Variants in TMEM217 observed in about 807,000 individuals in gnomAD.
TMEM217 encodes transmembrane protein 217.
For synonymous variants in TMEM217, 76 were observed against 88.3 expected (o/e 0.86, Z 0.78); for missense variants, 204 against 248.8 (o/e 0.82, Z 1.21).
chr6:37,253,123 C>T (rs1765536025), intron 1 of TMEM217, among the ~76,000 whole-genome samples: 1 of 152,174 alleles, frequency 6.6e-6, no homozygotes, highest in African/African-American at 2.4e-5. Context: ...TCTACCTTTT[C>T]CCTGCTGTAC....
At chr6:37,249,123 T>C (rs950764368) in intron 1 of TMEM217, among the ~76,000 whole-genome samples, 2 of 152,184 alleles carry the variant, frequency 1.3e-5, no homozygotes, top group East Asian at 3.8e-4. Context: ...TCAAAATCTT[T>C]AACTTAATAT....
In TMEM217 at chr6:37,225,804, C is replaced by T. The variant is rs140224708; in HGVS notation, c.-11-6763G>A. ...CTGATTTGTGTGGCCCCATGACCAA[C>T]GGGATGCAAATGCAAGTGATGGGTG... is the stretch of plus-strand genomic sequence containing the variant. On this transcript the variant is annotated intron_variant, in intron 1 of 1. Transcript: ENST00000357219. Among the ~76,000 whole-genome samples the T allele has an allele frequency of 4.3e-3, 650 of 152,300 alleles. 1 individual carries two copies. The highest frequency in any genetic ancestry group is 0.015 in the African/African-American group (628 of 41,554).
intron 1 of TMEM217, among the ~76,000 whole-genome samples, chr6:37,229,335 GTTTTTTTTT>G (rs372385535): frequency 6.7e-5 from 5 of 74,368 alleles, no homozygotes; most frequent in African/African-American, 1.1e-4. Context: ...GCAACTTTCA[GTTTTTTTTT>G]TTTTTTTTTT....
chr6:37,229,948 C>A (rs1764103978), intron 1 of TMEM217, among the ~76,000 whole-genome samples: 1 of 152,148 alleles, frequency 6.6e-6, no homozygotes, highest in Non-Finnish European at 1.5e-5. Context: ...GCTAGCGGGA[C>A]CCTTCTTGGG....
downstream of TMEM217, chr6:37,215,332 A>AAAG (rs1282744218): frequency 1.9e-6 from 3 of 1,593,704 alleles, no homozygotes; most frequent in African/African-American, 2.7e-5. Flanking sequence ...AATTAAGAGA[A>AAAG]AAGAAAACTT....
intron 1 of TMEM217, among the ~76,000 whole-genome samples, chr6:37,221,028 T>C (rs941921413): frequency 3.3e-5 from 5 of 152,182 alleles, no homozygotes; most frequent in Non-Finnish European, 7.3e-5. Context: ...ATTCATTTTG[T>C]TGTACAAACA....
intron 1 of TMEM217, among the ~76,000 whole-genome samples, chr6:37,226,487 C>G (rs544823384): frequency 6.6e-6 from 1 of 150,552 alleles, no homozygotes; most frequent in South Asian, 2.1e-4. Context: ...TGAGTAGAGA[C>G]GGGGTTTCAC....
chr6:37,215,448 G>A (rs6928931), downstream of TMEM217, among the ~76,000 whole-genome samples: 1 of 151,386 alleles, frequency 6.6e-6, no homozygotes, highest in Non-Finnish European at 1.5e-5. Flanking sequence ...GGTGGCACGC[G>A]CCAACTACCT....
intron 1 of TMEM217, among the ~76,000 whole-genome samples, chr6:37,230,501 T>A (rs1764137687): frequency 6.6e-6 from 1 of 152,152 alleles, no homozygotes; most frequent in Admixed American, 6.5e-5. Flanking sequence ...AATTAGGTCA[T>A]TAGTGTCAGA....
At chr6:37,235,096 A>G (rs1764420160) in intron 1 of TMEM217, among the ~76,000 whole-genome samples, 1 of 152,192 alleles carries the variant, frequency 6.6e-6, no homozygotes. Flanking sequence ...GGACAGCTGG[A>G]TAACTCTGTC....
intron 1 of TMEM217, among the ~76,000 whole-genome samples, chr6:37,230,414 G>A (rs890866640): frequency 6.6e-6 from 1 of 152,198 alleles, no homozygotes. Flanking sequence ...TCAATTCTAT[G>A]TTGAAATCCT....
intron 1 of TMEM217, among the ~76,000 whole-genome samples, chr6:37,227,208 G>C (rs988946927): frequency 1.3e-5 from 2 of 152,154 alleles, no homozygotes; most frequent in African/African-American, 4.8e-5. Context: ...TCTAAGGAAG[G>C]CCTCGACTAG....
At chr6:37,228,640 G>A (rs1422008857) in intron 1 of TMEM217, among the ~76,000 whole-genome samples, 1 of 151,214 alleles carries the variant, frequency 6.6e-6, no homozygotes. Flanking sequence ...GGAGGCGGAG[G>A]TTGCAGTGAG....
intron 1 of TMEM217, among the ~76,000 whole-genome samples, chr6:37,255,409 C>T (rs1005247706): frequency 1.4e-4 from 21 of 152,014 alleles, no homozygotes; most frequent in Non-Finnish European, 1.9e-4. Flanking sequence ...GGGCAGGGTG[C>T]GATGGCTCCC....
downstream of TMEM217, chr6:37,217,509 T>A (rs1297446298): frequency 4.4e-6 from 2 of 452,180 alleles, no homozygotes; most frequent in Non-Finnish European, 5.8e-6. Flanking sequence ...CAGTACAGTG[T>A]TCACACTACA....
chr6:37,257,249 G>A (rs557129228), intron 1 of TMEM217, among the ~76,000 whole-genome samples: 7 of 152,154 alleles, frequency 4.6e-5, no homozygotes, highest in South Asian at 2.1e-4. Flanking sequence ...CAGAGGGAGA[G>A]GGAGACTCTG....
At chr6:37,229,632 G>A (rs550431171) in intron 1 of TMEM217, among the ~76,000 whole-genome samples, 182 of 152,208 alleles carry the variant, frequency 1.2e-3, no homozygotes, top group African/African-American at 3.9e-3. Context: ...GTGAGCCACC[G>A]CGCCGGCCAA....
downstream of TMEM217, among the ~76,000 whole-genome samples, chr6:37,214,548 T>C (rs151254704): frequency 7.2e-5 from 11 of 152,092 alleles, no homozygotes; most frequent in East Asian, 2.1e-3. Context: ...TTTTTCATCA[T>C]CCCCACCAAA....
At chr6:37,213,105 G>A, downstream of TMEM217, 1 of 762,030 alleles carries the variant, frequency 1.3e-6, no homozygotes, top group Non-Finnish European at 2.1e-6. Flanking sequence ...ATGATGGTGT[G>A]TGGACAGGCA....
Sources: allele counts gnomAD v4.1 joint callset (sites outside exome capture counted in the v4.1 genomes callset), GRCh38; gene constraint gnomAD v4.1.1; transcripts MANE v1.5; gene names NCBI Gene and HGNC (gene_info 2026-07-23, HGNC 2026-07-21).